Variants in GLCCI1 observed in about 807,000 individuals in gnomAD.
GLCCI1 encodes glucocorticoid-induced transcript 1 protein.
GLCCI1 carries 24 observed loss-of-function variants against 52.2 expected under a neutral mutation model. That is an observed-to-expected ratio of 0.46 (90% CI 0.33 to 0.65). The LOEUF (loss-of-function observed/expected upper bound fraction) is 0.65, where lower values mean the gene tolerates loss of function less well. Among genes scored for constraint, GLCCI1 ranks in the 30% least tolerant of loss-of-function variants. The probability of loss-of-function intolerance (pLI) is 0.02; values close to 1 mark genes in which losing one functional copy is unlikely to be tolerated. For missense variants in GLCCI1, 704 were observed against 701.5 expected, an observed-to-expected ratio of 1.00 and a Z score of -0.04; for synonymous variants, 310 against 276.5, an observed-to-expected ratio of 1.12 and a Z score of -1.20.
At chr7:8,040,940 T>C (rs1001357378) in intron 3 of GLCCI1, among the ~76,000 whole-genome samples, 3 of 152,136 alleles carry the variant, frequency 2.0e-5, no homozygotes, top group Non-Finnish European at 2.9e-5. Context: ...AGTGACCTCT[T>C]AAGTGTTCAA....
chr7:7,999,484 TATAGTCCTAA>T (rs1781009215), intron 1 of GLCCI1, among the ~76,000 whole-genome samples: 2 of 152,128 alleles, frequency 1.3e-5, no homozygotes, highest in South Asian at 4.2e-4. Context: ...GGTGCACACC[TATAGTCCTAA>T]CTACTGTAGA....
At chr7:8,003,447 G>A (rs1781085438) in intron 1 of GLCCI1, among the ~76,000 whole-genome samples, 1 of 152,102 alleles carries the variant, frequency 6.6e-6, no homozygotes, top group Non-Finnish European at 1.5e-5. Flanking sequence ...GAGGTATATG[G>A]CACCCAAATC....
chr7:8,009,188 T>C (rs1781211615), intron 2 of GLCCI1, among the ~76,000 whole-genome samples: 1 of 152,204 alleles, frequency 6.6e-6, no homozygotes, highest in African/African-American at 2.4e-5. Context: ...AATATTTTAT[T>C]ACTGTAGCCT....
intron 3 of GLCCI1, among the ~76,000 whole-genome samples, chr7:8,025,998 G>T (rs1200413768): frequency 2.0e-5 from 3 of 152,160 alleles, no homozygotes; most frequent in African/African-American, 7.2e-5. Context: ...CTGTATATTA[G>T]TTTGTATCCA....
At position 7,969,303 on chromosome 7, in the gene GLCCI1, C is replaced by T. The variant is rs771314071; in HGVS notation, c.-48C>T. On this transcript the variant is annotated 5_prime_UTR_variant, in exon 1 of 8. Transcript: ENST00000223145. This position sits in a 1 kb window ranked among gnomAD's most constrained non-coding sequence, Gnocchi z 4.9. Reference sequence around the variant, plus strand: ...TCCCACACGCTCGCGCGCCTCCCGCCCCGCGCCTCCGTGTCGGCCGGCGGC... The same window carrying T: ...TCCCACACGCTCGCGCGCCTCCCGCTCCGCGCCTCCGTGTCGGCCGGCGGC... 1.4e-6 allele frequency: 2 copies of T among 1,383,622 alleles called. No homozygotes were observed. The highest frequency in any genetic ancestry group is 1.4e-5 in the South Asian group (1 of 72,718). 85.7% of individuals were successfully genotyped at this position (1,383,622 alleles called of 1,614,324 possible). A position where few individuals can be genotyped will look rare whatever the true frequency, so the allele number is the denominator to read the frequency against.
intron 3 of GLCCI1, chr7:8,024,850 C>T (rs1781576152): frequency 6.6e-6 from 1 of 152,172 alleles, no homozygotes; most frequent in African/African-American, 2.4e-5. Flanking sequence ...TGGTGCTACT[C>T]CTTTTCTCCT....
Position 7,969,359 on chromosome 7 carries a change from TGCC to T in GLCCI1, c.10_12del (p.Ala4del). On this transcript the variant is annotated inframe_deletion, in exon 1 of 8. Transcript: ENST00000223145. This position sits in a 1 kb window ranked among gnomAD's most constrained non-coding sequence, Gnocchi z 4.9. ...GGGCCCGCAGAGCCACCATGTCCAC[TGCC>T]TCCTCCTCCTCCTCCTCCAGTTCCT... 1 of 1,473,600 alleles carries T rather than the reference TGCC, an allele frequency of 6.8e-7. No individual in the cohort carries two copies. The highest frequency in any genetic ancestry group is 9.0e-7 in the Non-Finnish European group (1 of 1,111,404). The allele number at this position is 1,473,600 out of a possible 1,614,324, so 91.3% of individuals were successfully genotyped here.
chr7:7,977,118 C>T (rs974192990), intron 1 of GLCCI1, among the ~76,000 whole-genome samples: 1 of 152,140 alleles, frequency 6.6e-6, no homozygotes, highest in Non-Finnish European at 1.5e-5. Context: ...CTAATTTTAA[C>T]TTTTACATTA....
intron 3 of GLCCI1, among the ~76,000 whole-genome samples, chr7:8,023,618 A>ATTTTTTTTTTTTTTTTT (rs1583980093): frequency 8.7e-5 from 1 of 11,440 alleles, no homozygotes; most frequent in African/African-American, 4.6e-4. Context: ...TTTTTTTTTG[A>ATTTTTTTTTTTTTTTTT]GGTGGAATCT....
chr7:8,007,224 A>G (rs1159865928), intron 2 of GLCCI1, among the ~76,000 whole-genome samples: 1 of 152,166 alleles, frequency 6.6e-6, no homozygotes, highest in Non-Finnish European at 1.5e-5. Flanking sequence ...TATAGGGCTC[A>G]TTTTACAGAT....
rs1757544364 is a variant in GLCCI1 at position 8,066,480 on chromosome 7, A to AGTTTGTTATC, written c.967-4440_967-4431dup. ...CTCTAGTCCCTCTATATGTGATGTTAGTTTGTTATCTGAGATCGGATTTTT... is the reference window on the plus strand; with the variant it reads ...CTCTAGTCCCTCTATATGTGATGTTAGTTTGTTATCGTTTGTTATCTGAGATCGGATTTTT... On this transcript the variant is annotated intron_variant, in intron 5 of 7. Transcript: ENST00000223145. Among the ~76,000 whole-genome samples, 3 of 150,006 alleles carry AGTTTGTTATC rather than the reference A, an allele frequency of 2.0e-5. No homozygotes were observed. In the South Asian group the frequency reaches 6.4e-4, roughly 32 times the overall value.
At chr7:7,997,815 T>C (rs1183891845) in intron 1 of GLCCI1, among the ~76,000 whole-genome samples, 1 of 151,994 alleles carries the variant, frequency 6.6e-6, no homozygotes, top group Non-Finnish European at 1.5e-5. Context: ...GTAATCCAGC[T>C]ACTCGGGAGC....
rs1305857003 is a variant in GLCCI1, at chr7:8,087,288, A to G, written c.*750A>G. The G allele has an allele frequency of 6.6e-6, 1 of 152,662 alleles. No individual in the cohort carries two copies. The highest frequency in any genetic ancestry group is 1.5e-5 in the Non-Finnish European group (1 of 68,042). The allele number at this position is 152,662 out of a possible 1,614,324, so 9.5% of individuals were successfully genotyped here. On this transcript the variant is annotated 3_prime_UTR_variant, in exon 8 of 8. Coordinates refer to ENST00000223145, the MANE Select transcript of GLCCI1 (RefSeq NM_138426.4). ...ACCAGCAAAATCTGTGGTGTTTGAC[A>G]TCACTTTGTCATGTGGTTACAAGTA...
At chr7:7,992,221 G>A (rs1780856096) in intron 1 of GLCCI1, among the ~76,000 whole-genome samples, 1 of 151,558 alleles carries the variant, frequency 6.6e-6, no homozygotes, top group South Asian at 2.1e-4. Context: ...ATTCAAATGT[G>A]TTGAGAGGGA....
chr7:8,087,011 G>C lies in GLCCI1; in HGVS notation c.*473G>C, dbSNP rs1783131349. On this transcript the variant is annotated 3_prime_UTR_variant, in exon 8 of 8. Coordinates refer to ENST00000223145, the MANE Select transcript of GLCCI1 (RefSeq NM_138426.4). ...AAAAAAAAAAAAAATGGCCACAACA[G>C]TTGCACAGTGCCCACCCTATGGCCT... 1 of 151,594 alleles carries C rather than the reference G, an allele frequency of 6.6e-6. No individual in the cohort carries two copies. Among genetic ancestry groups the C allele is most frequent in the Non-Finnish European group, 1.4e-5 (1 of 69,324 alleles). The allele number at this position is 151,594 out of a possible 1,614,324, so 9.4% of individuals were successfully genotyped here.
intron 1 of GLCCI1, among the ~76,000 whole-genome samples, chr7:7,975,629 C>T (rs189894275): frequency 4.6e-5 from 7 of 152,212 alleles, no homozygotes; most frequent in South Asian, 2.1e-4. Context: ...GGCACTATTA[C>T]GCTGTGCTGG....
At chr7:8,035,539 G>A (rs1431084015) in intron 3 of GLCCI1, among the ~76,000 whole-genome samples, 1 of 152,218 alleles carries the variant, frequency 6.6e-6, no homozygotes, top group Non-Finnish European at 1.5e-5. Flanking sequence ...GCCCAGGCTT[G>A]TGTGAAAGGT....
intron 1 of GLCCI1, among the ~76,000 whole-genome samples, chr7:7,991,583 T>C (rs1286507819): frequency 6.6e-6 from 1 of 152,050 alleles, no homozygotes; most frequent in Non-Finnish European, 1.5e-5. Context: ...CTTTGTTCTT[T>C]ACTGACATGT....
chr7:8,069,751 A>C (rs140325141), intron 5 of GLCCI1, among the ~76,000 whole-genome samples: 26 of 152,334 alleles, frequency 1.7e-4, no homozygotes, highest in African/African-American at 5.3e-4. Flanking sequence ...TTGGTATAGA[A>C]AATATTGATA....
Sources: gnomAD v4.1 joint callset for allele counts (sites outside exome capture counted in the v4.1 genomes callset) on GRCh38, gnomAD v4.1.1 for gene constraint, Gnocchi (gnomAD v3.1) non-coding constraint, MANE v1.5 for transcripts, NCBI Gene and HGNC (gene_info 2026-07-23, HGNC 2026-07-21) for gene names.